MDGA2: variants seen among roughly 807,000 people sequenced by gnomAD.
MDGA2 encodes the protein MAM domain containing glycosylphosphatidylinositol anchor 2, also known as MAM domain-containing glycosylphosphatidylinositol anchor protein 2.
A neutral mutation model predicts 117.8 loss-of-function variants in MDGA2; 40 were observed. That is an observed-to-expected ratio of 0.34 (90% confidence interval 0.26 to 0.44). The LOEUF is 0.44. Ranked by LOEUF, MDGA2 falls within the 20% of genes least tolerant of loss-of-function variation. The pLI is 1.00. For synonymous variants in MDGA2, 452 were observed against 439.0 expected (o/e 1.03, Z -0.37); for missense variants, 1,123 against 1,250.6 (o/e 0.90, Z 1.54).
At chr14:47,280,272 C>A (rs2139732717) in intron 2 of MDGA2, among the ~76,000 whole-genome samples, 1 of 122,050 alleles carries the variant, frequency 8.2e-6, no homozygotes, top group Middle Eastern at 6.6e-3. Context: ...CGAGATCGCA[C>A]CATTGCACTC....
chr14:47,113,343 C>T (rs188892822), intron 5 of MDGA2, among the ~76,000 whole-genome samples: 2 of 151,690 alleles, frequency 1.3e-5, no homozygotes, highest in East Asian at 1.9e-4. Flanking sequence ...AAAAGGCCCA[C>T]GACCGGATGG....
At chr14:47,158,274 C>T (rs114053267) in intron 3 of MDGA2, among the ~76,000 whole-genome samples, 1,786 of 151,784 alleles carry the variant, frequency 0.012, 35 homozygotes, top group African/African-American at 0.041. Flanking sequence ...TGGGCTATAC[C>T]ATCTAGGTTT....
intron 1 of MDGA2, among the ~76,000 whole-genome samples, chr14:47,597,746 C>T (rs1425497856): frequency 6.6e-6 from 1 of 151,718 alleles, no homozygotes; most frequent in Non-Finnish European, 1.5e-5. Flanking sequence ...GCTACTATGG[C>T]TTCCTTTAAA....
At chr14:47,379,402 C>A (rs541759457) in intron 1 of MDGA2, among the ~76,000 whole-genome samples, 2 of 152,212 alleles carry the variant, frequency 1.3e-5, no homozygotes, top group East Asian at 3.9e-4. Context: ...CTAAATGCTC[C>A]AATTAAAAGA....
At chr14:47,637,268 T>A (rs2138237039) in intron 1 of MDGA2, among the ~76,000 whole-genome samples, 1 of 152,304 alleles carries the variant, frequency 6.6e-6, no homozygotes, top group South Asian at 2.1e-4. Flanking sequence ...GTAGAATAAT[T>A]CAAGCGCTTC....
chr14:47,122,186 C>G (rs199501805), intron 5 of MDGA2, among the ~76,000 whole-genome samples: 1 of 152,018 alleles, frequency 6.6e-6, no homozygotes, highest in Non-Finnish European at 1.5e-5. Flanking sequence ...ACCTCATAAA[C>G]ATGATTTAGC....
At chr14:46,927,843 C>T (rs953689770) in intron 9 of MDGA2, among the ~76,000 whole-genome samples, 3 of 152,092 alleles carry the variant, frequency 2.0e-5, no homozygotes, top group Admixed American at 6.6e-5. Flanking sequence ...TTCTTCTGCT[C>T]GAGGCAGAGC....
intron 5 of MDGA2, among the ~76,000 whole-genome samples, chr14:47,128,686 T>C (rs1265818740): frequency 6.6e-6 from 1 of 151,618 alleles, no homozygotes; most frequent in African/African-American, 2.4e-5. Context: ...TTCTGCAACA[T>C]AATTTCCATC....
intron 1 of MDGA2, among the ~76,000 whole-genome samples, chr14:47,588,788 C>A (rs1053508808): frequency 2.0e-5 from 3 of 151,884 alleles, no homozygotes; most frequent in Non-Finnish European, 4.4e-5. Flanking sequence ...TAAATTACCA[C>A]AAACCTAATG....
rs1270337839 is a variant in MDGA2, at chr14:46,855,621, C to G, written c.2753-467G>C. On this transcript the variant is annotated intron_variant, in intron 14 of 16. Transcript: ENST00000399232. The surrounding 1 kb of genome is among the most constrained non-coding windows in gnomAD (Gnocchi z 4.1). Reference sequence around the variant, plus strand: ...AAAGGAAAGGGCTTCTTTCCTGGAGCTTCAGAAGAAGTCAGCCCTGCTGAC... The same window carrying G: ...AAAGGAAAGGGCTTCTTTCCTGGAGGTTCAGAAGAAGTCAGCCCTGCTGAC... Among the ~76,000 whole-genome samples, 1 of 152,100 alleles carries G rather than the reference C, an allele frequency of 6.6e-6. No homozygotes were observed. The highest frequency in any genetic ancestry group is 6.6e-5 in the Admixed American group (1 of 15,258).
chr14:46,859,113 A>T (rs1274924641), intron 14 of MDGA2, among the ~76,000 whole-genome samples: 1 of 152,176 alleles, frequency 6.6e-6, no homozygotes, highest in Non-Finnish European at 1.5e-5. Context: ...GCTTGCATTT[A>T]GTTTAGGCTG....
At chr14:47,510,819 C>T (rs1405540411) in intron 1 of MDGA2, among the ~76,000 whole-genome samples, 2 of 152,232 alleles carry the variant, frequency 1.3e-5, no homozygotes, top group African/African-American at 4.8e-5. Flanking sequence ...TTCTGCCCTG[C>T]TCCAACATAT....
At chr14:47,019,175 T>C (rs1260968303) in intron 8 of MDGA2, among the ~76,000 whole-genome samples, 2 of 152,142 alleles carry the variant, frequency 1.3e-5, no homozygotes, top group Admixed American at 6.5e-5. Flanking sequence ...AATAGTTTCA[T>C]TACCTTGAAA....
Position 47,098,152 on chromosome 14 carries a change from A to G in MDGA2, c.926-1029T>C, listed in dbSNP as rs1385577072. Among the ~76,000 whole-genome samples the G allele has an allele frequency of 2.6e-5, 4 of 151,120 alleles. No homozygotes were observed. In the East Asian group the frequency reaches 7.9e-4, roughly 30 times the overall value. ...ACATCGGAAATATTTAAACTGTTCA[A>G]TTGTACTGTGTTTTTTTTAATATAT... On this transcript the variant is annotated intron_variant, in intron 5 of 16. Coordinates refer to ENST00000399232, the MANE Select transcript of MDGA2 (RefSeq NM_001113498.3).
chr14:47,184,929 A>C (rs1464907586), intron 3 of MDGA2, among the ~76,000 whole-genome samples: 1 of 151,514 alleles, frequency 6.6e-6, no homozygotes, highest in African/African-American at 2.4e-5. Context: ...AACCCATTAA[A>C]AGAATAAATA....
At chr14:47,220,358 T>C (rs371164027) in intron 2 of MDGA2, among the ~76,000 whole-genome samples, 121 of 152,288 alleles carry the variant, frequency 7.9e-4, no homozygotes, top group African/African-American at 2.7e-3. Context: ...CCTAATGTTG[T>C]CTTTCCTTCT....
chr14:47,162,007 A>G (rs61995374), intron 3 of MDGA2, among the ~76,000 whole-genome samples: 29,678 of 127,244 alleles, frequency 0.23, 3,454 homozygotes, highest in African/African-American at 0.31. Flanking sequence ...GTGCAATGGC[A>G]CAATCCCGGC....
At position 47,013,772 on chromosome 14, in the gene MDGA2, G is replaced by GTATATATATATATATA. The variant is rs71448157; in HGVS notation, c.1819+21223_1819+21238dup. On this transcript the variant is annotated intron_variant, in intron 8 of 16. Transcript: ENST00000399232. ...TAGGTATGAAAACATTAATTTCCTT[G>GTATATATATATATATA]TATATATATATATATATATATCTCC... is the stretch of plus-strand genomic sequence containing the variant. Among the ~76,000 whole-genome samples, 661 of 93,602 alleles carry GTATATATATATATATA rather than the reference G, an allele frequency of 7.1e-3. 40 individuals are homozygous for GTATATATATATATATA. The highest frequency in any genetic ancestry group is 8.9e-3 in the Non-Finnish European group (407 of 45,646). The allele number at this position is 93,602 out of a possible 152,430, so 61.4% of individuals were successfully genotyped here.
intron 1 of MDGA2, among the ~76,000 whole-genome samples, chr14:47,454,880 T>C (rs1359313363): frequency 1.3e-5 from 2 of 152,044 alleles, no homozygotes; most frequent in Non-Finnish European, 2.9e-5. Flanking sequence ...TAAATATGAA[T>C]AACAAGGAGA....
Sources: allele counts gnomAD v4.1 joint callset (sites outside exome capture counted in the v4.1 genomes callset), GRCh38; gene constraint gnomAD v4.1.1; non-coding constraint Gnocchi (gnomAD v3.1); transcripts MANE v1.5; gene names NCBI Gene and HGNC (gene_info 2026-07-23, HGNC 2026-07-21).